The following FNDC3B variants were observed in gnomAD, a reference collection of about 807,000 sequenced individuals.
FNDC3B encodes the protein fibronectin type III domain containing 3B, also known as fibronectin type III domain-containing protein 3B.
FNDC3B carries 12 observed loss-of-function variants against 151.5 expected under a neutral mutation model. The observed-to-expected ratio is 0.08, with a 90% confidence interval of 0.05 to 0.13. FNDC3B has a LOEUF of 0.13. Ranked by LOEUF, FNDC3B falls within the 10% of genes least tolerant of loss-of-function variation. The pLI, the probability that FNDC3B is intolerant of heterozygous loss-of-function variation, is 1.00. For synonymous variants in FNDC3B, 528 were observed against 549.0 expected, an observed-to-expected ratio of 0.96 and a Z score of 0.54; for missense variants, 1,214 against 1,505.3, an observed-to-expected ratio of 0.81 and a Z score of 3.20.
chr3:172,045,736 G>A (rs1716329959), intron 1 of FNDC3B, among the ~76,000 whole-genome samples: 1 of 151,682 alleles, frequency 6.6e-6, no homozygotes, highest in Non-Finnish European at 1.5e-5. Context: ...AGGTGGTTGA[G>A]GAGAAGCTTT....
chr3:172,133,639 C>G (rs767966179), intron 3 of FNDC3B, 93 bp downstream of exon 3: 1 of 905,576 alleles, frequency 1.1e-6, no homozygotes, highest in Non-Finnish European at 1.9e-6. Flanking sequence ...ATGTAATTTT[C>G]TAGAAGTAAA....
At chr3:172,339,026 C>T (rs750132008) in intron 16 of FNDC3B, among the ~76,000 whole-genome samples, 2 of 152,082 alleles carry the variant, frequency 1.3e-5, no homozygotes, top group Non-Finnish European at 2.9e-5. Context: ...TGTGAGCCAC[C>T]GCGCCCGGCC....
At chr3:172,172,546 G>A (rs1205231102) in intron 3 of FNDC3B, among the ~76,000 whole-genome samples, 6 of 152,176 alleles carry the variant, frequency 3.9e-5, no homozygotes, top group Non-Finnish European at 7.3e-5. Flanking sequence ...ATATCTGACT[G>A]GTCCCAGGGA....
intron 3 of FNDC3B, among the ~76,000 whole-genome samples, chr3:172,147,404 G>A (rs2108595677): frequency 6.6e-6 from 1 of 151,956 alleles, no homozygotes; most frequent in East Asian, 1.9e-4. Context: ...GTTTTCGCAT[G>A]CCTTTATGAA....
At position 172,057,683 on chromosome 3, in the gene FNDC3B, C is replaced by CT. The variant is rs11348946; in HGVS notation, c.-29+17929dup. 9.8e-3 allele frequency among the ~76,000 whole-genome samples: 1,375 copies of CT among 139,922 alleles called. 14 individuals are homozygous for CT. The highest frequency in any genetic ancestry group is 0.027 in the African/African-American group (1,018 of 38,304). The allele number at this position is 139,922 out of a possible 152,430, so 91.8% of individuals were successfully genotyped here. ...AATGCTGGAGAAAAATAACATCTAC[C>CT]TTTTTTTTTTTTTTTTTAAATGAGG... is the stretch of plus-strand genomic sequence containing the variant. On this transcript the variant is annotated intron_variant, in intron 1 of 25. Coordinates refer to ENST00000415807, the MANE Select transcript of FNDC3B (RefSeq NM_022763.4).
At chr3:172,122,984 G>A (rs1374807406) in intron 2 of FNDC3B, among the ~76,000 whole-genome samples, 1 of 152,164 alleles carries the variant, frequency 6.6e-6, no homozygotes, top group African/African-American at 2.4e-5. Flanking sequence ...GATTTGAAGG[G>A]ACATGGACTT....
chr3:172,195,846 C>T (rs1340425691), intron 3 of FNDC3B, among the ~76,000 whole-genome samples: 3 of 152,122 alleles, frequency 2.0e-5, no homozygotes, highest in Non-Finnish European at 4.4e-5. Flanking sequence ...GGGTCTTCTG[C>T]CTCAAACTTT....
At chr3:172,131,348 G>A (rs1721089771) in intron 2 of FNDC3B, among the ~76,000 whole-genome samples, 1 of 151,144 alleles carries the variant, frequency 6.6e-6, no homozygotes, top group African/African-American at 2.4e-5. Context: ...AGCTGAGATC[G>A]CGCCATTGCA....
intron 3 of FNDC3B, among the ~76,000 whole-genome samples, chr3:172,134,640 A>G (rs1364640906): frequency 6.6e-6 from 1 of 151,402 alleles, no homozygotes; most frequent in Non-Finnish European, 1.5e-5. Context: ...TTTTGTATCT[A>G]TAAGAACAAA....
At chr3:172,394,106 T>TAAAAAAAAAAAAAAAAAAAAAAAAAAAAA (rs60559371) in intron 25 of FNDC3B, among the ~76,000 whole-genome samples, 6 of 16,644 alleles carry the variant, frequency 3.6e-4, no homozygotes, top group East Asian at 1.4e-3. Flanking sequence ...AGACTCCTTC[T>TAAAAAAAAAAAAAAAAAAAAAAAAAAAAA]AAAAAAAAAA....
At chr3:172,170,491 G>A (rs933925744) in intron 3 of FNDC3B, among the ~76,000 whole-genome samples, 3 of 152,212 alleles carry the variant, frequency 2.0e-5, no homozygotes, top group Admixed American at 6.5e-5. Flanking sequence ...GAATTATTTC[G>A]TACATCCCTG....
intron 11 of FNDC3B, among the ~76,000 whole-genome samples, chr3:172,318,440 A>T (rs1731922414): frequency 6.6e-6 from 1 of 152,222 alleles, no homozygotes; most frequent in Admixed American, 6.5e-5. Flanking sequence ...GAGATCAATT[A>T]ATCAGACTCC....
At chr3:172,179,309 G>A (rs1170541512) in intron 3 of FNDC3B, among the ~76,000 whole-genome samples, 1 of 152,114 alleles carries the variant, frequency 6.6e-6, no homozygotes, top group Non-Finnish European at 1.5e-5. Context: ...TGATCTGCCC[G>A]CCTTGGCCTC....
intron 2 of FNDC3B, among the ~76,000 whole-genome samples, chr3:172,120,921 G>A (rs1206839250): frequency 1.3e-5 from 2 of 151,830 alleles, no homozygotes; most frequent in Admixed American, 6.6e-5. Context: ...CCGAGATTGC[G>A]CCATTGCACT....
At chr3:172,292,899 C>A (rs1158675910) in intron 7 of FNDC3B, among the ~76,000 whole-genome samples, 1 of 152,164 alleles carries the variant, frequency 6.6e-6, no homozygotes, top group African/African-American at 2.4e-5. Context: ...CCAAGTAATG[C>A]TCTGTGTAAT....
chr3:172,181,236 C>T (rs1723873506), intron 3 of FNDC3B, among the ~76,000 whole-genome samples: 1 of 151,328 alleles, frequency 6.6e-6, no homozygotes, highest in South Asian at 2.1e-4. Context: ...CCTGTCTCTA[C>T]CAAAAATACA....
At chr3:172,178,608 G>T (rs1161223627) in intron 3 of FNDC3B, among the ~76,000 whole-genome samples, 1 of 152,250 alleles carries the variant, frequency 6.6e-6, no homozygotes, top group Middle Eastern at 3.4e-3. Flanking sequence ...GGAAAAGATG[G>T]GAGGAGGGAA....
intron 6 of FNDC3B, among the ~76,000 whole-genome samples, chr3:172,284,746 A>G (rs1300831265): frequency 1.4e-5 from 2 of 147,328 alleles, no homozygotes; most frequent in Non-Finnish European, 3.0e-5. Context: ...CTTTTGGGTT[A>G]CCTTTACTAC....
intron 23 of FNDC3B, among the ~76,000 whole-genome samples, 164 bp from the exon 24 acceptor site, chr3:172,378,106 A>G (rs1030293277): frequency 4.6e-5 from 7 of 152,232 alleles, no homozygotes; most frequent in Admixed American, 4.6e-4. Flanking sequence ...ATACATTTAG[A>G]CATTAAGCTT....
Sources: allele counts gnomAD v4.1 joint callset (sites outside exome capture counted in the v4.1 genomes callset), GRCh38; gene constraint gnomAD v4.1.1; transcripts MANE v1.5; gene names NCBI Gene and HGNC (gene_info 2026-07-23, HGNC 2026-07-21).